Variants in CEP70 observed in about 807,000 individuals in gnomAD.
CEP70 encodes the protein centrosomal protein 70, also known as centrosomal protein of 70 kDa.
CEP70 carries 70 observed loss-of-function variants against 90.9 expected under a neutral mutation model. The observed-to-expected ratio is 0.77, with a 90% CI of 0.64 to 0.94. CEP70 has a LOEUF of 0.94. CEP70 is among the 40% of genes least tolerant of loss of function. The pLI is 0.00. For missense variants in CEP70, 648 were observed against 669.0 expected, an observed-to-expected ratio of 0.97 and a Z score of 0.35; for synonymous variants, 220 against 228.3, an observed-to-expected ratio of 0.96 and a Z score of 0.33.
rs1450696448 is a variant in CEP70 at position 138,530,220 on chromosome 3, A to C, written c.693-758T>G. Among the ~76,000 whole-genome samples the C allele has an allele frequency of 2.6e-5, 4 of 152,350 alleles. No individual in the cohort carries two copies. The East Asian group carries it at 7.7e-4, about 29-fold the overall frequency. On this transcript the variant is annotated intron_variant, in intron 8 of 17. Transcript: ENST00000264982. ...ACTTGAAATACGGGTAATGCCACCAAGGAACTAAACTTTTAATTTCATTAA... is the reference window on the plus strand; with the variant it reads ...ACTTGAAATACGGGTAATGCCACCACGGAACTAAACTTTTAATTTCATTAA...
intron 16 of CEP70, 43 bp from the exon 17 acceptor site, chr3:138,498,153 G>C (rs2034117785): frequency 6.8e-7 from 1 of 1,465,732 alleles, no homozygotes; most frequent in Admixed American, 1.8e-5. Flanking sequence ...TCTAACTTTG[G>C]GTTCTTGCAT....
chr3:138,497,216 T>C (rs1381940226), intron 17 of CEP70: 1 of 1,230,888 alleles, frequency 8.1e-7, no homozygotes, highest in Non-Finnish European at 1.0e-6. Context: ...CAGTAGGCTA[T>C]ATATTCTAAT....
chr3:138,527,421 G>T (rs1266450945), intron 10 of CEP70, among the ~76,000 whole-genome samples: 1 of 151,848 alleles, frequency 6.6e-6, no homozygotes, highest in Non-Finnish European at 1.5e-5. Flanking sequence ...TGTAGGCCGG[G>T]CACGGTGGCT....
intron 6 of CEP70, among the ~76,000 whole-genome samples, chr3:138,547,914 T>C (rs781494262): frequency 6.6e-6 from 1 of 152,204 alleles, no homozygotes; most frequent in Non-Finnish European, 1.5e-5. Context: ...TTTAATATTT[T>C]TGAACTGCAA....
chr3:138,495,828 G>A, intron 17 of CEP70: 1 of 944,362 alleles, frequency 1.1e-6, no homozygotes, highest in Non-Finnish European at 1.3e-6. Context: ...CTCTGGCCTG[G>A]GTGACAGAGA....
At chr3:138,558,439 C>G (rs1355030671) in intron 6 of CEP70, among the ~76,000 whole-genome samples, 1 of 152,138 alleles carries the variant, frequency 6.6e-6, no homozygotes, top group Non-Finnish European at 1.5e-5. Flanking sequence ...AGTGTGTTTT[C>G]AGACACCTGA....
intron 6 of CEP70, among the ~76,000 whole-genome samples, chr3:138,554,269 T>A (rs189231140): frequency 1.3e-5 from 2 of 151,120 alleles, no homozygotes; most frequent in Non-Finnish European, 2.9e-5. Context: ...ACAAGGGACA[T>A]ACCTCAAAGT....
At position 138,529,211 on chromosome 3, in the gene CEP70, T is replaced by C; in HGVS notation, c.857A>G (p.Asp286Gly). Residue 286 changes from aspartate to glycine, a missense_variant, in exon 10 of 18, where the codon GAT becomes GGT. Coordinates refer to ENST00000264982, the MANE Select transcript of CEP70 (RefSeq NM_024491.4). ...LSSEKLNLQK[D>G]LETRPTQHEL... ...AAGTTTCTCTCACCTGGTTTCCAAA[T>C]CTTTTTGGAGGTTCAGCTTTTCACT... is the stretch of plus-strand genomic sequence containing the variant. 6.3e-7 allele frequency: 1 copy of C among 1,589,974 alleles called. No homozygotes were observed. The highest frequency in any genetic ancestry group is 8.6e-7 in the Non-Finnish European group (1 of 1,168,242).
intron 11 of CEP70, among the ~76,000 whole-genome samples, chr3:138,521,558 C>T (rs1423959632): frequency 1.5e-4 from 23 of 150,734 alleles, no homozygotes; most frequent in African/African-American, 3.7e-4. Context: ...ATGTGAGGAG[C>T]GCCTCTGCCC....
At chr3:138,558,028 T>C (rs192136120) in intron 6 of CEP70, among the ~76,000 whole-genome samples, 74 of 152,158 alleles carry the variant, frequency 4.9e-4, no homozygotes, top group Non-Finnish European at 7.6e-4. Flanking sequence ...TGTTTGAAAG[T>C]GCTAACAAGG....
intron 6 of CEP70, among the ~76,000 whole-genome samples, chr3:138,551,897 G>T (rs1466173029): frequency 6.6e-6 from 1 of 152,028 alleles, no homozygotes; most frequent in African/African-American, 2.4e-5. Flanking sequence ...CAATGGATAA[G>T]AATTCACCAA....
chr3:138,527,732 A>G (rs1316345324), intron 10 of CEP70, among the ~76,000 whole-genome samples: 5 of 150,360 alleles, frequency 3.3e-5, no homozygotes, highest in Admixed American at 3.3e-4. Context: ...GGCTAAAATT[A>G]TTTGTAGAGA....
intron 3 of CEP70, among the ~76,000 whole-genome samples, chr3:138,571,804 A>G (rs966101429): frequency 1.3e-5 from 2 of 152,138 alleles, no homozygotes; most frequent in Admixed American, 6.6e-5. Context: ...TTTGAGACAG[A>G]GTCTTGCTCT....
At chr3:138,563,686 A>G (rs1233314487) in intron 6 of CEP70, among the ~76,000 whole-genome samples, 1 of 152,248 alleles carries the variant, frequency 6.6e-6, no homozygotes, top group East Asian at 1.9e-4. Context: ...TCTCTGGGAC[A>G]CATTTAAAGC....
intron 6 of CEP70, among the ~76,000 whole-genome samples, chr3:138,556,617 C>T (rs144639838): frequency 1.6e-3 from 238 of 151,478 alleles, no homozygotes; most frequent in African/African-American, 5.4e-3. Flanking sequence ...AAGCATCGTC[C>T]GGGTTGAGAA....
chr3:138,539,796 C>T (rs1314198091), intron 6 of CEP70, among the ~76,000 whole-genome samples: 1 of 152,142 alleles, frequency 6.6e-6, no homozygotes, highest in Non-Finnish European at 1.5e-5. Flanking sequence ...AAGATATAAA[C>T]ATCCATGAAC....
chr3:138,510,496 G>T (rs1231322225), intron 11 of CEP70, among the ~76,000 whole-genome samples: 4 of 151,746 alleles, frequency 2.6e-5, no homozygotes, highest in South Asian at 2.1e-4. Flanking sequence ...GCTAGCCCAA[G>T]GATATTAGAT....
chr3:138,574,809 G>C (rs1158350933), intron 2 of CEP70, among the ~76,000 whole-genome samples: 1 of 152,090 alleles, frequency 6.6e-6, no homozygotes, highest in African/African-American at 2.4e-5. Context: ...AGGCAAACAG[G>C]GTCTGGAGTG....
chr3:138,546,709 A>G (rs2039234012), intron 6 of CEP70, among the ~76,000 whole-genome samples: 1 of 152,194 alleles, frequency 6.6e-6, no homozygotes, highest in Non-Finnish European at 1.5e-5. Context: ...AGATCATGCC[A>G]CTGCATTCCA....
Sources: gnomAD v4.1 joint callset for allele counts (sites outside exome capture counted in the v4.1 genomes callset) on GRCh38, gnomAD v4.1.1 for gene constraint, MANE v1.5 for transcripts, NCBI Gene and HGNC (gene_info 2026-07-23, HGNC 2026-07-21) for gene names.